The following KCNIP4 variants were observed in gnomAD, a reference collection of about 807,000 sequenced individuals.
KCNIP4 encodes the protein potassium voltage-gated channel interacting protein 4, also known as Kv channel-interacting protein 4.
A neutral mutation model predicts 34.0 loss-of-function variants in KCNIP4; 12 were observed. The ratio of observed to expected loss-of-function variants is 0.35; its 90% CI spans 0.23 to 0.57. The LOEUF (loss-of-function observed/expected upper bound fraction) is 0.57. Ranked by LOEUF, KCNIP4 falls within the 20% of genes least tolerant of loss-of-function variation. The pLI is 0.83. For synonymous variants in KCNIP4, 124 were observed against 102.2 expected, an observed-to-expected ratio of 1.21 and a Z score of -1.29; for missense variants, 238 against 311.7, an observed-to-expected ratio of 0.76 and a Z score of 1.78.
chr4:21,594,920 G>A (rs1532785), intron 1 of KCNIP4, among the ~76,000 whole-genome samples: 17,703 of 151,806 alleles, frequency 0.12, 1,121 homozygotes, highest in African/African-American at 0.14. Flanking sequence ...AAGTAACTGT[G>A]GTTTTGGTCA....
intron 1 of KCNIP4, chr4:21,304,069 CAGAGAGAGAGAGAGAGACAGAGAGAGAG>C: frequency 7.6e-6 from 1 of 132,174 alleles, no homozygotes; most frequent in Non-Finnish European, 1.2e-5. Flanking sequence ...GAGAGAGAGA[CAGAGAGAGAGAGAGAGACAGAGAGAGAG>C]AGAGAGAGAG....
intron 1 of KCNIP4, among the ~76,000 whole-genome samples, chr4:21,749,195 G>C (rs1365794478): frequency 6.6e-6 from 1 of 152,098 alleles, no homozygotes; most frequent in Non-Finnish European, 1.5e-5. Context: ...AAGGCTTCTG[G>C]TGTTCATGCT....
At chr4:21,524,821 G>A (rs751602197) in intron 1 of KCNIP4, among the ~76,000 whole-genome samples, 31 of 151,772 alleles carry the variant, frequency 2.0e-4, no homozygotes, top group African/African-American at 6.5e-4. Context: ...TGCATCATGC[G>A]TAGTGCCTTG....
chr4:21,425,234 CTAACT>C (rs935059693), intron 1 of KCNIP4, among the ~76,000 whole-genome samples: 24 of 152,096 alleles, frequency 1.6e-4, no homozygotes, highest in South Asian at 6.2e-4. Context: ...AAAATACTAC[CTAACT>C]TAACTTTAAA....
At chr4:21,541,519 T>C (rs990201877) in intron 1 of KCNIP4, among the ~76,000 whole-genome samples, 13 of 152,064 alleles carry the variant, frequency 8.5e-5, no homozygotes, top group Admixed American at 5.9e-4. Flanking sequence ...ACCTCCAGAG[T>C]CAGATTTATA....
At chr4:21,729,031 C>T (rs115895445) in intron 1 of KCNIP4, among the ~76,000 whole-genome samples, 1 of 152,100 alleles carries the variant, frequency 6.6e-6, no homozygotes, top group Non-Finnish European at 1.5e-5. Flanking sequence ...TATTTCTTGG[C>T]AAATAATGTC....
At chr4:20,960,884 A>T (rs914054878) in intron 1 of KCNIP4, among the ~76,000 whole-genome samples, 1 of 152,200 alleles carries the variant, frequency 6.6e-6, no homozygotes, top group Admixed American at 6.5e-5. Context: ...TTAAATGGAA[A>T]GATTAAGGAA....
At chr4:21,437,820 A>G (rs1488109358) in intron 1 of KCNIP4, among the ~76,000 whole-genome samples, 4 of 152,060 alleles carry the variant, frequency 2.6e-5, no homozygotes, top group African/African-American at 7.2e-5. Flanking sequence ...TGCAGTGGCT[A>G]AAGTGATTAG....
At chr4:21,531,083 A>G (rs1161512145) in intron 1 of KCNIP4, among the ~76,000 whole-genome samples, 1 of 152,282 alleles carries the variant, frequency 6.6e-6, no homozygotes, top group African/African-American at 2.4e-5. Flanking sequence ...CCCAATAAAA[A>G]TCATGACTAC....
At chr4:21,225,112 A>C (rs1758282977) in intron 1 of KCNIP4, among the ~76,000 whole-genome samples, 1 of 152,136 alleles carries the variant, frequency 6.6e-6, no homozygotes, top group Non-Finnish European at 1.5e-5. Flanking sequence ...TTTTTGACTA[A>C]TGATATTTTC....
chr4:21,483,097 G>A, intron 1 of KCNIP4, among the ~76,000 whole-genome samples: 1 of 110,394 alleles, frequency 9.1e-6, no homozygotes, highest in Admixed American at 1.1e-4. Context: ...GGAGGGGGGA[G>A]GGATAGCATT....
At chr4:21,887,089 G>GT (rs1726815065) in intron 1 of KCNIP4, among the ~76,000 whole-genome samples, 1 of 152,138 alleles carries the variant, frequency 6.6e-6, no homozygotes, top group Non-Finnish European at 1.5e-5. Flanking sequence ...CTGACTTTGT[G>GT]TAAAATATAG....
At chr4:21,866,143 A>G (rs1445826434) in intron 1 of KCNIP4, among the ~76,000 whole-genome samples, 1 of 152,166 alleles carries the variant, frequency 6.6e-6, no homozygotes, top group Admixed American at 6.5e-5. Context: ...GGTAATTAAA[A>G]TAATTCATTT....
At chr4:21,266,526 G>C (rs184844955) in intron 1 of KCNIP4, among the ~76,000 whole-genome samples, 2 of 152,310 alleles carry the variant, frequency 1.3e-5, no homozygotes, top group East Asian at 1.9e-4. Context: ...AGCCAGAATG[G>C]AATGTGACTC....
intron 1 of KCNIP4, among the ~76,000 whole-genome samples, chr4:21,811,266 G>A (rs1024001015): frequency 3.9e-5 from 6 of 152,272 alleles, no homozygotes; most frequent in African/African-American, 1.2e-4. Context: ...GGTTAAAGAT[G>A]GATAAGAGTA....
intron 1 of KCNIP4, among the ~76,000 whole-genome samples, chr4:21,900,520 G>A (rs1040887892): frequency 2.6e-5 from 4 of 152,268 alleles, no homozygotes; most frequent in African/African-American, 4.8e-5. Flanking sequence ...AGCTGCCATA[G>A]CTTTTGGGTG....
chr4:21,344,680 G>A (rs1012610613), intron 1 of KCNIP4, among the ~76,000 whole-genome samples: 2 of 152,146 alleles, frequency 1.3e-5, no homozygotes, highest in African/African-American at 4.8e-5. Flanking sequence ...TCTTATTAAA[G>A]CATCACAAAA....
At chr4:21,466,116 C>T (rs541182341) in intron 1 of KCNIP4, among the ~76,000 whole-genome samples, 1 of 152,162 alleles carries the variant, frequency 6.6e-6, no homozygotes, top group Admixed American at 6.5e-5. Flanking sequence ...CCCTAGAGAT[C>T]AGGATCATTG....
At chr4:20,939,456 C>T (rs772729776) in intron 1 of KCNIP4, among the ~76,000 whole-genome samples, 2 of 152,070 alleles carry the variant, frequency 1.3e-5, no homozygotes, top group Non-Finnish European at 2.9e-5. Flanking sequence ...TCACTGCAAC[C>T]TCTGCCTCCC....
Sources: allele counts gnomAD v4.1 joint callset (sites outside exome capture counted in the v4.1 genomes callset), GRCh38; gene constraint gnomAD v4.1.1; transcripts MANE v1.5; gene names NCBI Gene and HGNC (gene_info 2026-07-23, HGNC 2026-07-21).